ZNF713: variants seen among roughly 807,000 people sequenced by gnomAD.
The protein encoded by ZNF713 is zinc finger protein 713.
In ZNF713, 21 loss-of-function variants were observed where a neutral mutation model predicts 28.7. That is an observed-to-expected ratio of 0.73 (90% confidence interval 0.52 to 1.05). The LOEUF is 1.05. ZNF713 is among the 50% of genes least tolerant of loss of function. The pLI, the probability that ZNF713 is intolerant of heterozygous loss-of-function variation, is 0.00. For synonymous variants in ZNF713, 167 were observed against 178.0 expected, an observed-to-expected ratio of 0.94 and a Z score of 0.49; for missense variants, 458 against 532.4, an observed-to-expected ratio of 0.86 and a Z score of 1.37.
At chr7:55,890,134 C>A (rs1201430568) in intron 1 of ZNF713, among the ~76,000 whole-genome samples, 1 of 152,020 alleles carries the variant, frequency 6.6e-6, no homozygotes, top group African/African-American at 2.4e-5. Context: ...GGATTAAGAC[C>A]CCACCTTTAT....
In ZNF713 at chr7:55,909,097, C is replaced by T. The variant is rs184124264; in HGVS notation, c.-455-2519C>T. The stretch of plus-strand genomic sequence containing the variant: ...CCTGTAATCCCAGCTACTTGGGAGG[C>T]TGAGGCAGGAGAAATCGCTTGAACC... On this transcript the variant is annotated intron_variant, in intron 2 of 6. Transcript: ENST00000429591. Among the ~76,000 whole-genome samples, 650 of 149,122 alleles carry T rather than the reference C, an allele frequency of 4.4e-3. 2 individuals are homozygous for T. The highest frequency in any genetic ancestry group is 6.9e-3 in the Non-Finnish European group (464 of 67,714).
chr7:55,910,538 C>G (rs1386544693), intron 2 of ZNF713, among the ~76,000 whole-genome samples: 1 of 152,034 alleles, frequency 6.6e-6, no homozygotes, highest in African/African-American at 2.4e-5. Context: ...CTCTGTCACC[C>G]AGGCTTCAGT....
At chr7:55,938,627 A>T (rs1786401829) in intron 6 of ZNF713, among the ~76,000 whole-genome samples, 1 of 152,232 alleles carries the variant, frequency 6.6e-6, no homozygotes, top group Non-Finnish European at 1.5e-5. Context: ...CTGGCCTTAG[A>T]CCAGCCTTCT....
intron 5 of ZNF713, 84 bp from the exon 6 acceptor site, chr7:55,923,523 C>T: frequency 7.8e-7 from 1 of 1,289,540 alleles, no homozygotes; most frequent in Non-Finnish European, 1.1e-6. Flanking sequence ...TCCAGAGGCT[C>T]TAAAGATTGA....
intron 6 of ZNF713, among the ~76,000 whole-genome samples, chr7:55,936,805 T>C (rs886886691): frequency 1.3e-5 from 2 of 152,118 alleles, no homozygotes; most frequent in African/African-American, 4.8e-5. Context: ...AGTAGAGATA[T>C]ATCTATCTAG....
chr7:55,934,812 A>G (rs570332563), intron 6 of ZNF713, among the ~76,000 whole-genome samples: 1 of 151,474 alleles, frequency 6.6e-6, no homozygotes, highest in South Asian at 2.1e-4. Context: ...GCCATGGTAG[A>G]GCCTTTTAAG....
intron 6 of ZNF713, among the ~76,000 whole-genome samples, chr7:55,932,510 G>C (rs973843254): frequency 7.4e-5 from 10 of 134,958 alleles, no homozygotes; most frequent in African/African-American, 2.6e-4. Context: ...AGGTGACAAA[G>C]CAAGACCCTG....
intron 1 of ZNF713, among the ~76,000 whole-genome samples, chr7:55,895,451 C>CTTTTTTTTTTTTTTTTTTTTTTTTTTTTT (rs55972416): frequency 1.2e-5 from 1 of 82,398 alleles, no homozygotes; most frequent in Non-Finnish European, 2.6e-5. Flanking sequence ...CTGTTATACT[C>CTTTTTTTTTTTTTTTTTTTTTTTTTTTTT]TTTTTTTTTT....
intron 4 of ZNF713, among the ~76,000 whole-genome samples, chr7:55,919,562 G>T (rs1301060137): frequency 1.5e-5 from 2 of 132,912 alleles, no homozygotes; most frequent in African/African-American, 2.9e-5. Flanking sequence ...CTAGAGTGCA[G>T]TGGCACGATC....
intron 6 of ZNF713, among the ~76,000 whole-genome samples, chr7:55,937,909 A>G (rs965316203): frequency 6.6e-6 from 1 of 151,168 alleles, no homozygotes; most frequent in Non-Finnish European, 1.5e-5. Context: ...TTCTCAAAAA[A>G]TAAGAATTAA....
chr7:55,923,551 CT>C, intron 5 of ZNF713, 55 bp from the exon 6 acceptor site: 1 of 1,452,638 alleles, frequency 6.9e-7, no homozygotes. Flanking sequence ...GGGAGTGTGT[CT>C]GAGAATTTTG....
chr7:55,923,876 C>T, intron 6 of ZNF713, 177 bp downstream of exon 6: 2 of 495,326 alleles, frequency 4.0e-6, no homozygotes, highest in South Asian at 2.6e-5. Context: ...TATTTTTTCT[C>T]ATTGAACAGA....
chr7:55,931,402 A>G (rs1395000421), intron 6 of ZNF713, among the ~76,000 whole-genome samples: 1 of 152,214 alleles, frequency 6.6e-6, no homozygotes, highest in African/African-American at 2.4e-5. Flanking sequence ...TCTAATTTGA[A>G]TTAACTACTG....
chr7:55,932,611 G>A (rs1024234333), intron 6 of ZNF713, among the ~76,000 whole-genome samples: 3 of 151,680 alleles, frequency 2.0e-5, no homozygotes, highest in Non-Finnish European at 2.9e-5. Context: ...ACAGCTGGGC[G>A]CGGTGGCTCA....
At chr7:55,930,429 G>A (rs1184292432) in intron 6 of ZNF713, among the ~76,000 whole-genome samples, 1 of 152,162 alleles carries the variant, frequency 6.6e-6, no homozygotes, top group African/African-American at 2.4e-5. Context: ...CTTGTTTGGT[G>A]TTGTAGGCTC....
At chr7:55,919,490 GTTTTTTTTTTTTTTTTTTT>G (rs55656709) in intron 4 of ZNF713, among the ~76,000 whole-genome samples, 47 of 66,772 alleles carry the variant, frequency 7.0e-4, no homozygotes, top group Admixed American at 9.1e-4. Flanking sequence ...AAACACTCCA[GTTTTTTTTTTTTTTTTTTT>G]TTTTTTTTTT....
intron 1 of ZNF713, among the ~76,000 whole-genome samples, chr7:55,902,249 G>A (rs990369725): frequency 1.3e-5 from 2 of 151,908 alleles, no homozygotes; most frequent in Non-Finnish European, 2.9e-5. Flanking sequence ...AAACTGATAG[G>A]ATTTTACTCT....
intron 6 of ZNF713, among the ~76,000 whole-genome samples, chr7:55,925,362 C>T (rs1471934039): frequency 6.6e-6 from 1 of 152,094 alleles, no homozygotes; most frequent in Non-Finnish European, 1.5e-5. Flanking sequence ...GTGGCTTACG[C>T]CTGTAATCTC....
chr7:55,890,831 G>A (rs909136611), intron 1 of ZNF713, among the ~76,000 whole-genome samples: 4 of 151,770 alleles, frequency 2.6e-5, no homozygotes, highest in Admixed American at 1.3e-4. Flanking sequence ...ACCAGCCTGG[G>A]CAACATGGTG....
Sources: allele counts gnomAD v4.1 joint callset (sites outside exome capture counted in the v4.1 genomes callset), GRCh38; gene constraint gnomAD v4.1.1; transcripts MANE v1.5; gene names NCBI Gene and HGNC (gene_info 2026-07-23, HGNC 2026-07-21).